Variants in KLF12 observed in about 807,000 individuals in gnomAD.
The protein encoded by KLF12 is Krueppel-like factor 12.
In KLF12, 9 loss-of-function variants were observed where a neutral mutation model predicts 37.8. The observed-to-expected ratio is 0.24, with a 90% CI of 0.14 to 0.42. KLF12 has a LOEUF of 0.42. Among genes scored for constraint, KLF12 ranks in the 10% least tolerant of loss-of-function variants. The pLI is 1.00. For missense variants in KLF12, 411 were observed against 516.0 expected (o/e 0.80, Z 1.97); for synonymous variants, 208 against 202.1 (o/e 1.03, Z -0.25).
At chr13:73,836,539 T>G (rs1884442499) in intron 4 of KLF12, among the ~76,000 whole-genome samples, 1 of 152,222 alleles carries the variant, frequency 6.6e-6, no homozygotes, top group Non-Finnish European at 1.5e-5. Flanking sequence ...TGTATGTATT[T>G]CTTACAGTGA....
chr13:74,020,397 C>A (rs10507821), intron 1 of KLF12, among the ~76,000 whole-genome samples: 23,963 of 152,052 alleles, frequency 0.16, 2,103 homozygotes, highest in African/African-American at 0.23. Flanking sequence ...ATGATGCCTA[C>A]CACATCTCAC....
Position 73,924,363 on chromosome 13 carries a change from T to C in KLF12, c.123+19618A>G, listed in dbSNP as rs181987110. The stretch of plus-strand genomic sequence containing the variant: ...ACAGCATGTGCTCACTTTGTGTCTC[T>C]GTCTTACATTTTGGTTTAGTAATTC... On this transcript the variant is annotated intron_variant, in intron 3 of 7. Transcript: ENST00000377669. Among the ~76,000 whole-genome samples the C allele has an allele frequency of 3.9e-5, 6 of 152,342 alleles. No homozygotes were observed. In the East Asian group the frequency reaches 1.2e-3, roughly 29 times the overall value.
the KLF12 span, among the ~76,000 whole-genome samples, chr13:74,170,673 T>G: frequency 6.6e-6 from 1 of 152,222 alleles, no homozygotes; most frequent in Non-Finnish European, 1.5e-5. Flanking sequence ...TTATTGCATA[T>G]ACAAATTTTC....
chr13:74,267,089 A>G, the KLF12 span, among the ~76,000 whole-genome samples: 1 of 152,196 alleles, frequency 6.6e-6, no homozygotes, highest in Non-Finnish European at 1.5e-5. Context: ...ATACTTGCAT[A>G]ATGATCTCAT....
At chr13:73,936,999 G>A (rs1473057287) in intron 3 of KLF12, among the ~76,000 whole-genome samples, 1 of 152,098 alleles carries the variant, frequency 6.6e-6, no homozygotes, top group Non-Finnish European at 1.5e-5. Flanking sequence ...AGACCATCCT[G>A]GTCAACATGG....
intron 6 of KLF12, among the ~76,000 whole-genome samples, chr13:73,726,268 CTTCT>C (rs1476181035): frequency 6.6e-6 from 1 of 152,154 alleles, no homozygotes; most frequent in East Asian, 1.9e-4. Context: ...TATTATGTTC[CTTCT>C]TTCTTTTGTG....
intron 1 of KLF12, among the ~76,000 whole-genome samples, chr13:74,131,844 A>G (rs1375992444): frequency 1.3e-5 from 2 of 152,074 alleles, no homozygotes; most frequent in Admixed American, 1.3e-4. Flanking sequence ...AGAATAATAA[A>G]CTGCTTTCCT....
intron 3 of KLF12, among the ~76,000 whole-genome samples, chr13:73,885,334 C>T (rs948903775): frequency 2.6e-4 from 40 of 152,202 alleles, no homozygotes; most frequent in Admixed American, 2.4e-3. Flanking sequence ...TCTTTCCTCA[C>T]TCCAAATCCA....
At chr13:74,182,979 G>A in the KLF12 span, among the ~76,000 whole-genome samples, 1 of 152,116 alleles carries the variant, frequency 6.6e-6, no homozygotes, top group Admixed American at 6.5e-5. Flanking sequence ...AACATCATGT[G>A]AGACTAGTAT....
chr13:74,131,002 A>G (rs778146809), intron 1 of KLF12, among the ~76,000 whole-genome samples: 47 of 152,212 alleles, frequency 3.1e-4, no homozygotes, highest in Non-Finnish European at 3.8e-4. Context: ...CTATATGTTC[A>G]TCTACTTAAC....
At chr13:74,082,765 G>A (rs1162081806) in intron 1 of KLF12, among the ~76,000 whole-genome samples, 2 of 152,174 alleles carry the variant, frequency 1.3e-5, no homozygotes, top group Admixed American at 6.5e-5. Flanking sequence ...AGCAAGCACA[G>A]AATATAACTT....
chr13:74,009,992 C>A (rs972659842), intron 1 of KLF12, among the ~76,000 whole-genome samples: 9 of 152,152 alleles, frequency 5.9e-5, no homozygotes, highest in Non-Finnish European at 1.3e-4. Flanking sequence ...CTCTATCACC[C>A]AGGCTGGAGT....
intron 5 of KLF12, among the ~76,000 whole-genome samples, chr13:73,786,099 G>C (rs1881324057): frequency 6.6e-6 from 1 of 152,190 alleles, no homozygotes; most frequent in Non-Finnish European, 1.5e-5. Context: ...TGGCAAGCAT[G>C]ACAGCTGAGA....
At chr13:74,069,808 T>C (rs190854970) in intron 1 of KLF12, among the ~76,000 whole-genome samples, 17 of 152,248 alleles carry the variant, frequency 1.1e-4, no homozygotes, top group Non-Finnish European at 2.2e-4. Context: ...TGAAGGATAA[T>C]ACTGACTTAA....
At chr13:73,848,453 T>G (rs1052213129) in intron 3 of KLF12, among the ~76,000 whole-genome samples, 5 of 151,684 alleles carry the variant, frequency 3.3e-5, no homozygotes, top group African/African-American at 1.2e-4. Context: ...CTTCTTAATC[T>G]CTTACTGAGG....
At chr13:74,261,994 T>C in the KLF12 span, among the ~76,000 whole-genome samples, 5 of 152,328 alleles carry the variant, frequency 3.3e-5, no homozygotes, top group African/African-American at 1.2e-4. Flanking sequence ...CCGAGCTGAG[T>C]GTGCTCCTCA....
intron 2 of KLF12, among the ~76,000 whole-genome samples, chr13:73,994,274 G>A (rs565582549): frequency 6.6e-6 from 1 of 152,282 alleles, no homozygotes; most frequent in East Asian, 1.9e-4. Flanking sequence ...GAGGAATTAT[G>A]AGGCACATGC....
At chr13:73,716,935 CTTT>C (rs1182253750) in intron 6 of KLF12, among the ~76,000 whole-genome samples, 2 of 151,986 alleles carry the variant, frequency 1.3e-5, no homozygotes, top group Non-Finnish European at 2.9e-5. Flanking sequence ...ACTGGCATAA[CTTT>C]TTTTATTAGT....
At chr13:74,294,941 C>A in the KLF12 span, among the ~76,000 whole-genome samples, 7 of 152,166 alleles carry the variant, frequency 4.6e-5, no homozygotes, top group African/African-American at 1.7e-4. Flanking sequence ...TGATGAGCTC[C>A]TTTCCTGATT....
Sources: allele counts gnomAD v4.1 joint callset (sites outside exome capture counted in the v4.1 genomes callset), GRCh38; gene constraint gnomAD v4.1.1; transcripts MANE v1.5; gene names NCBI Gene and HGNC (gene_info 2026-07-23, HGNC 2026-07-21).